SULF1: variants seen among roughly 807,000 people sequenced by gnomAD.
The protein encoded by SULF1 is sulfatase 1, also known as extracellular sulfatase Sulf-1.
A neutral mutation model predicts 110.5 loss-of-function variants in SULF1; 46 were observed. The ratio of observed to expected loss-of-function variants is 0.42; its 90% CI spans 0.33 to 0.53. The LOEUF (loss-of-function observed/expected upper bound fraction) is 0.53, where lower values mean the gene tolerates loss of function less well. SULF1 is among the 20% of genes least tolerant of loss of function. The probability of loss-of-function intolerance (pLI) is 0.12; values close to 1 mark genes in which losing one functional copy is unlikely to be tolerated. For missense variants in SULF1, 941 were observed against 1,094.2 expected (o/e 0.86, Z 1.98); for synonymous variants, 371 against 387.1 (o/e 0.96, Z 0.49).
At chr8:69,632,786 A>T (rs1229870651) in intron 19 of SULF1, among the ~76,000 whole-genome samples, 1 of 152,228 alleles carries the variant, frequency 6.6e-6, no homozygotes, top group Admixed American at 6.5e-5. Context: ...GCACTTTGGG[A>T]GGCCAAGGTC....
upstream of SULF1, among the ~76,000 whole-genome samples, chr8:69,488,098 T>G (rs1374155515): frequency 3.3e-5 from 5 of 152,166 alleles, no homozygotes; most frequent in African/African-American, 1.2e-4. Context: ...CAAACCAAAG[T>G]CTAGTGCAAA....
At chr8:69,562,527 T>A (rs1815574109) in intron 3 of SULF1, among the ~76,000 whole-genome samples, 1 of 152,140 alleles carries the variant, frequency 6.6e-6, no homozygotes, top group African/African-American at 2.4e-5. Flanking sequence ...ATAAAGATGT[T>A]CCCTCATGAC....
intron 1 of SULF1, among the ~76,000 whole-genome samples, chr8:69,478,517 G>A (rs898126735): frequency 6.6e-6 from 1 of 152,016 alleles, no homozygotes; most frequent in East Asian, 1.9e-4. Flanking sequence ...TACAAGGCAC[G>A]TGCTCACACT....
At chr8:69,657,893 A>T (rs759590348) in intron 22 of SULF1, among the ~76,000 whole-genome samples, 13 of 152,224 alleles carry the variant, frequency 8.5e-5, no homozygotes, top group Admixed American at 5.2e-4. Flanking sequence ...TCATTCAGTT[A>T]TCTAAGGCAC....
intron 14 of SULF1, 39 bp downstream of exon 14, chr8:69,621,290 G>A: frequency 6.6e-7 from 1 of 1,507,886 alleles, no homozygotes; most frequent in Non-Finnish European, 9.1e-7. Context: ...TGGTGGCCTA[G>A]GCCTGTGGGA....
intron 13 of SULF1, among the ~76,000 whole-genome samples, chr8:69,610,723 T>C (rs1212189513): frequency 6.6e-6 from 1 of 152,270 alleles, no homozygotes; most frequent in African/African-American, 2.4e-5. Context: ...ATAGGCATTT[T>C]ACTCATAAAC....
At chr8:69,639,562 A>C (rs1283408134) in intron 21 of SULF1, among the ~76,000 whole-genome samples, 2 of 152,212 alleles carry the variant, frequency 1.3e-5, no homozygotes, top group Non-Finnish European at 2.9e-5. Flanking sequence ...GTCTGCAGAA[A>C]TGTAAATACC....
intron 8 of SULF1, among the ~76,000 whole-genome samples, chr8:69,594,483 T>C (rs1807155000): frequency 6.6e-6 from 1 of 152,170 alleles, no homozygotes; most frequent in African/African-American, 2.4e-5. Flanking sequence ...AAACAGTCCA[T>C]GTGCACTAAT....
intron 13 of SULF1, among the ~76,000 whole-genome samples, chr8:69,615,581 T>C (rs1809030490): frequency 6.6e-6 from 1 of 152,128 alleles, no homozygotes; most frequent in East Asian, 1.9e-4. Flanking sequence ...GATATATGTA[T>C]ATATGTAGTA....
rs74756828 is a variant in SULF1, at chr8:69,607,070, C to G, written c.1377+2138C>G. Among the ~76,000 whole-genome samples the G allele has an allele frequency of 6.8e-3, 1,043 of 152,314 alleles. 14 individuals carry two copies. Among genetic ancestry groups the G allele is most frequent in the African/African-American group, 0.024 (996 of 41,558 alleles). Reference sequence around the variant, plus strand: ...AGTGAATTGTTACTCTAATCCCGAACCAGCAGGATCAGCATCCCTGAGAGT... The same window carrying G: ...AGTGAATTGTTACTCTAATCCCGAAGCAGCAGGATCAGCATCCCTGAGAGT... On this transcript the variant is annotated intron_variant, in intron 13 of 22. Transcript: ENST00000402687.
chr8:69,534,802 A>G (rs1006235533), intron 3 of SULF1, among the ~76,000 whole-genome samples: 1 of 152,170 alleles, frequency 6.6e-6, no homozygotes, highest in Admixed American at 6.5e-5. Context: ...GACGTCATAC[A>G]TATTTTATAA....
intron 2 of SULF1, among the ~76,000 whole-genome samples, chr8:69,498,249 A>G (rs1810518937): frequency 6.6e-6 from 1 of 152,194 alleles, no homozygotes; most frequent in African/African-American, 2.4e-5. Flanking sequence ...ATCCACAGCT[A>G]GGCCACTGGC....
At chr8:69,571,216 G>C (rs949728756) in intron 5 of SULF1, among the ~76,000 whole-genome samples, 3 of 152,222 alleles carry the variant, frequency 2.0e-5, no homozygotes, top group African/African-American at 7.2e-5. Context: ...GAAGAGGCAG[G>C]AGAAAATTTA....
intron 3 of SULF1, among the ~76,000 whole-genome samples, chr8:69,517,239 C>T (rs1345936800): frequency 6.6e-6 from 1 of 152,126 alleles, no homozygotes; most frequent in Non-Finnish European, 1.5e-5. Flanking sequence ...TCATGATAGC[C>T]AACACATTCC....
chr8:69,527,352 A>C (rs532461958), intron 3 of SULF1, among the ~76,000 whole-genome samples: 1 of 152,216 alleles, frequency 6.6e-6, no homozygotes, highest in South Asian at 2.1e-4. Flanking sequence ...GTAGAAACCA[A>C]AATAATACAA....
intron 1 of SULF1, among the ~76,000 whole-genome samples, chr8:69,475,323 G>A (rs2150534207): frequency 6.6e-6 from 1 of 151,786 alleles, no homozygotes; most frequent in Non-Finnish European, 1.5e-5. Flanking sequence ...GAGAGATTAA[G>A]GAAAAATGAG....
At chr8:69,593,657 G>A (rs1020953049) in intron 8 of SULF1, among the ~76,000 whole-genome samples, 2 of 152,182 alleles carry the variant, frequency 1.3e-5, no homozygotes, top group South Asian at 2.1e-4. Context: ...AGTGAAAGGG[G>A]ATTATCGACC....
chr8:69,520,523 G>A (rs181458863), intron 3 of SULF1, among the ~76,000 whole-genome samples: 103 of 152,274 alleles, frequency 6.8e-4, no homozygotes, highest in African/African-American at 2.2e-3. Context: ...TGCATATGAA[G>A]AGAAATTTTT....
At chr8:69,623,600 G>T (rs192194100) in intron 14 of SULF1, among the ~76,000 whole-genome samples, 132 of 152,348 alleles carry the variant, frequency 8.7e-4, no homozygotes, top group African/African-American at 3.1e-3. Flanking sequence ...AGTTCACATT[G>T]AAAACCAAAT....
Sources: gnomAD v4.1 joint callset for allele counts (sites outside exome capture counted in the v4.1 genomes callset) on GRCh38, gnomAD v4.1.1 for gene constraint, MANE v1.5 for transcripts, NCBI Gene and HGNC (gene_info 2026-07-23, HGNC 2026-07-21) for gene names.